Variants in TULP4 observed in about 807,000 individuals in gnomAD.
TULP4 encodes the protein TUB like protein 4.
TULP4 carries 16 observed loss-of-function variants against 129.0 expected under a neutral mutation model. The ratio of observed to expected loss-of-function variants is 0.12; its 90% CI spans 0.08 to 0.19. The LOEUF (loss-of-function observed/expected upper bound fraction) is 0.19, where lower values mean the gene tolerates loss of function less well. Among genes scored for constraint, TULP4 ranks in the 10% least tolerant of loss-of-function variants. The probability of loss-of-function intolerance (pLI) is 1.00; values close to 1 mark genes in which losing one functional copy is unlikely to be tolerated. For synonymous variants in TULP4, 998 were observed against 854.0 expected, an observed-to-expected ratio of 1.17 and a Z score of -2.94; for missense variants, 1,842 against 2,059.1, an observed-to-expected ratio of 0.89 and a Z score of 2.04.
Position 158,479,936 on chromosome 6 carries a change from C to T in TULP4, c.1212C>T (p.Leu404=), listed in dbSNP as rs1025117952. The T allele has an allele frequency of 3.1e-6, 5 of 1,610,356 alleles. No individual in the cohort carries two copies. The African/African-American group carries it at 6.7e-5, about 21-fold the overall frequency. Residue 404 remains leucine (L), a synonymous_variant, in exon 7 of 14, where the codon CTC becomes CTT. Coordinates refer to ENST00000367097, the MANE Select transcript of TULP4 (RefSeq NM_020245.5). ...GCAAGCTGACTCTGCCCCCCCGCCT[C>T]TGCTCCTACCTCTCCACTGCCTTCA... ...DVSKLTLPPR[L]CSYLSTAFIP...
At chr6:158,415,319 A>G (rs920026946) in intron 2 of TULP4, among the ~76,000 whole-genome samples, 9 of 149,940 alleles carry the variant, frequency 6.0e-5, no homozygotes, top group Admixed American at 2.0e-4. Context: ...TATTTACTGT[A>G]CTTTTTATTA....
chr6:158,495,220 T>G (rs959698058), intron 11 of TULP4, among the ~76,000 whole-genome samples: 2 of 152,018 alleles, frequency 1.3e-5, no homozygotes, highest in Non-Finnish European at 2.9e-5. Flanking sequence ...GCCCGGCTAA[T>G]TTTTGTATTT....
intron 3 of TULP4, chr6:158,437,909 A>G (rs1277627666): frequency 6.6e-6 from 1 of 152,154 alleles, no homozygotes; most frequent in Non-Finnish European, 1.5e-5. Flanking sequence ...TCAGGTGTCT[A>G]CAATACAGTT....
chr6:158,242,019 G>A (rs1777928525), intron 1 of TULP4: 1 of 817,688 alleles, frequency 1.2e-6, no homozygotes, highest in Non-Finnish European at 2.2e-6. Context: ...TGGTAATGAT[G>A]TTATTTGCAA....
At chr6:158,345,221 C>T (rs965817477) in intron 1 of TULP4, among the ~76,000 whole-genome samples, 1 of 152,198 alleles carries the variant, frequency 6.6e-6, no homozygotes, top group African/African-American at 2.4e-5. Context: ...AATCATGGCT[C>T]ACTGCAGCCT....
chr6:158,284,887 TACCTCA>T (rs1778810428), intron 1 of TULP4, among the ~76,000 whole-genome samples: 1 of 152,252 alleles, frequency 6.6e-6, no homozygotes, highest in African/African-American at 2.4e-5. Flanking sequence ...GGATGATACC[TACCTCA>T]CAGGGTTTCT....
chr6:158,418,674 T>G (rs1562557954), intron 2 of TULP4, among the ~76,000 whole-genome samples: 1 of 152,130 alleles, frequency 6.6e-6, no homozygotes, highest in East Asian at 1.9e-4. Context: ...AAGGCGGCAA[T>G]GGGAGGATTG....
At chr6:158,297,906 T>A (rs932914234) in intron 1 of TULP4, among the ~76,000 whole-genome samples, 3 of 152,190 alleles carry the variant, frequency 2.0e-5, no homozygotes, top group East Asian at 1.9e-4. Context: ...CTGAGGGTAC[T>A]GTAGGAGACC....
chr6:158,480,961 G>A (rs931642244), intron 7 of TULP4, 94 bp from the exon 8 acceptor site: 60 of 1,145,132 alleles, frequency 5.2e-5, no homozygotes, highest in Non-Finnish European at 6.2e-5. Flanking sequence ...GAACAGTAGC[G>A]TTTTTAGTTG....
In TULP4 at chr6:158,249,439, A is replaced by T. The variant is rs1005888124; in HGVS notation, n.68+17136A>T. 1.1e-4 allele frequency among the ~76,000 whole-genome samples: 17 copies of T among 152,198 alleles called. 1 individual carries two copies. The highest frequency in any genetic ancestry group is 1.1e-3 in the Admixed American group (17 of 15,282). ...TAATACTGGGACAGAAGTGAGAATG[A>T]AAGTGGCACGCATTCTGTTTCGTCT... On this transcript the variant is annotated intron_variant and non_coding_transcript_variant, in intron 1 of 1. Transcript: ENST00000620026.
chr6:158,351,528 A>G (rs1160632778), intron 1 of TULP4, among the ~76,000 whole-genome samples: 3 of 152,122 alleles, frequency 2.0e-5, no homozygotes, highest in Non-Finnish European at 2.9e-5. Flanking sequence ...TTCTTAAGAT[A>G]TGAAAAAGCA....
rs548263185 is a variant in TULP4 at position 158,369,060 on chromosome 6, C to A, written c.253-44005C>A. Among the ~76,000 whole-genome samples, 4 of 152,210 alleles carry A rather than the reference C, an allele frequency of 2.6e-5. No homozygotes were observed. In the East Asian group the frequency reaches 5.8e-4, roughly 22 times the overall value. On this transcript the variant is annotated intron_variant, in intron 1 of 13. Transcript: ENST00000367097. ...TCTCTATTTATATCTTATTAGAATT[C>A]ATTTAAAAAATACAAATAGATTTTC... is the stretch of plus-strand genomic sequence containing the variant.
chr6:158,304,011 A>G (rs1290606873), intron 1 of TULP4, among the ~76,000 whole-genome samples: 1 of 152,244 alleles, frequency 6.6e-6, no homozygotes, highest in Non-Finnish European at 1.5e-5. Flanking sequence ...AACACAAAAC[A>G]AATTGTAGTG....
At chr6:158,341,310 T>C (rs1420965069) in intron 1 of TULP4, among the ~76,000 whole-genome samples, 1 of 152,216 alleles carries the variant, frequency 6.6e-6, no homozygotes, top group Non-Finnish European at 1.5e-5. Context: ...TGTGTGTATA[T>C]GCCACACTTT....
At chr6:158,337,982 C>T (rs1206552685) in intron 1 of TULP4, among the ~76,000 whole-genome samples, 1 of 152,128 alleles carries the variant, frequency 6.6e-6, no homozygotes, top group Non-Finnish European at 1.5e-5. Flanking sequence ...CACTTTCACC[C>T]AACCTGTCTC....
chr6:158,251,479 G>C (rs1778138137), intron 1 of TULP4, among the ~76,000 whole-genome samples: 1 of 151,800 alleles, frequency 6.6e-6, no homozygotes. Context: ...TTATATATAG[G>C]GACATTTGAA....
At chr6:158,505,740 G>A (rs1780585505) in intron 13 of TULP4, among the ~76,000 whole-genome samples, 1 of 152,182 alleles carries the variant, frequency 6.6e-6, no homozygotes, top group Non-Finnish European at 1.5e-5. Context: ...GTTGGACAGT[G>A]GTGGTGCTAC....
Position 158,314,058 on chromosome 6 carries a change from T to C in TULP4, c.42T>C (p.Asp14=), listed in dbSNP as rs7756620. The change falls in exon 1 of 14, where the codon GAT becomes GAC. Residue 14 remains aspartate, a synonymous_variant. Coordinates refer to ENST00000367097, the MANE Select transcript of TULP4 (RefSeq NM_020245.5). ...AACATGGGCCTGTGCTTTGCAGCGA[T>C]TCCAACATCCTGTGCCTGTCCTGGA... ...AVEHGPVLCS[D]SNILCLSWKG... 0.9 allele frequency: 1,450,040 copies of C among 1,613,548 alleles called. 652,781 individuals are homozygous for C. The highest frequency in any genetic ancestry group is 0.93 in the Admixed American group (56,023 of 59,998).
At chr6:158,437,046 C>A (rs757633450) in intron 3 of TULP4, among the ~76,000 whole-genome samples, 16 of 152,124 alleles carry the variant, frequency 1.1e-4, no homozygotes, top group Admixed American at 9.2e-4. Flanking sequence ...TAAGCACTGT[C>A]AGATCATTTG....
Sources: gnomAD v4.1 joint callset for allele counts (sites outside exome capture counted in the v4.1 genomes callset) on GRCh38, gnomAD v4.1.1 for gene constraint, MANE v1.5 for transcripts, NCBI Gene and HGNC (gene_info 2026-07-23, HGNC 2026-07-21) for gene names.